The following UCHL3 variants were observed in gnomAD, a reference collection of about 807,000 sequenced individuals.
UCHL3 encodes the protein ubiquitin carboxyl-terminal hydrolase isozyme L3.
UCHL3 carries 22 observed loss-of-function variants against 35.8 expected under a neutral mutation model. The observed-to-expected ratio is 0.61, with a 90% CI of 0.44 to 0.88. The LOEUF is 0.88. UCHL3 is among the 40% of genes least tolerant of loss of function. The probability of loss-of-function intolerance (pLI) is 0.00; values close to 1 mark genes in which losing one functional copy is unlikely to be tolerated. For missense variants in UCHL3, 229 were observed against 276.9 expected, an observed-to-expected ratio of 0.83 and a Z score of 1.23; for synonymous variants, 90 against 92.8, an observed-to-expected ratio of 0.97 and a Z score of 0.17.
chr13:75,584,996 C>T (rs1001001341), intron 6 of UCHL3, among the ~76,000 whole-genome samples: 17 of 146,096 alleles, frequency 1.2e-4, no homozygotes, highest in Non-Finnish European at 2.4e-4. Context: ...GGGACAATTT[C>T]AAGTGATGTA....
chr13:75,581,068 A>G (rs1315118408), intron 6 of UCHL3, among the ~76,000 whole-genome samples: 2 of 151,920 alleles, frequency 1.3e-5, no homozygotes, highest in Non-Finnish European at 2.9e-5. Flanking sequence ...TTTTTTTCCT[A>G]TTAACCGGAA....
At chr13:75,592,983 C>A (rs187697958) in intron 6 of UCHL3, among the ~76,000 whole-genome samples, 2 of 152,056 alleles carry the variant, frequency 1.3e-5, no homozygotes. Context: ...GGATTGGGTC[C>A]ATATTCAGTT....
intron 6 of UCHL3, among the ~76,000 whole-genome samples, chr13:75,583,839 C>T (rs915832982): frequency 6.6e-6 from 1 of 152,092 alleles, no homozygotes; most frequent in African/African-American, 2.4e-5. Flanking sequence ...AAAATTTTAA[C>T]AAATTGCTTA....
intron 2 of UCHL3, among the ~76,000 whole-genome samples, chr13:75,554,712 T>C (rs1470650120): frequency 6.6e-6 from 1 of 152,242 alleles, no homozygotes; most frequent in Non-Finnish European, 1.5e-5. Flanking sequence ...CATACTCTAC[T>C]GGTCTTCCAA....
At chr13:75,598,851 T>C (rs1305071453) in intron 7 of UCHL3, among the ~76,000 whole-genome samples, 1 of 152,232 alleles carries the variant, frequency 6.6e-6, no homozygotes, top group Non-Finnish European at 1.5e-5. Context: ...ATTATCATTA[T>C]GACTATTGCC....
chr13:75,561,169 G>T (rs1304129151), intron 3 of UCHL3, among the ~76,000 whole-genome samples: 1 of 152,164 alleles, frequency 6.6e-6, no homozygotes. Context: ...TCGGGCTCAA[G>T]TGATCCTCCC....
At chr13:75,591,349 G>A (rs567616051) in intron 6 of UCHL3, among the ~76,000 whole-genome samples, 21 of 151,630 alleles carry the variant, frequency 1.4e-4, no homozygotes, top group African/African-American at 4.1e-4. Flanking sequence ...ATTTTTATTC[G>A]TTCATCCATT....
chr13:75,556,614 G>A (rs1163434264), intron 2 of UCHL3, among the ~76,000 whole-genome samples: 1 of 152,044 alleles, frequency 6.6e-6, no homozygotes, highest in African/African-American at 2.4e-5. Flanking sequence ...TAAAGAATGA[G>A]GAAGAATTTG....
rs775424803 is a variant in UCHL3, at chr13:75,569,445, T to C, written c.427-15T>C. ...TAGGCATTTTTTCCAATGAATACCT[T>C]TATTCTTATTACAGGCCATCCGAGT... On this transcript the variant is annotated splice_polypyrimidine_tract_variant and intron_variant, in intron 5 of 8. Transcript: ENST00000377595. 1.9e-6 allele frequency: 3 copies of C among 1,602,264 alleles called. No homozygotes were observed. The South Asian group carries it at 3.4e-5, about 18-fold the overall frequency.
intron 3 of UCHL3, among the ~76,000 whole-genome samples, chr13:75,564,041 A>G (rs1314618873): frequency 1.3e-5 from 2 of 152,096 alleles, no homozygotes; most frequent in African/African-American, 2.4e-5. Flanking sequence ...TCAGGGTACT[A>G]TGGTCATAGA....
At chr13:75,581,217 A>C (rs1006065938) in intron 6 of UCHL3, among the ~76,000 whole-genome samples, 3 of 149,162 alleles carry the variant, frequency 2.0e-5, no homozygotes, top group Admixed American at 1.3e-4. Flanking sequence ...TATTTTTCAT[A>C]ATAATAGTAT....
intron 6 of UCHL3, among the ~76,000 whole-genome samples, chr13:75,586,140 G>T (rs531557809): frequency 1.3e-5 from 2 of 151,912 alleles, no homozygotes; most frequent in Non-Finnish European, 2.9e-5. Flanking sequence ...TTTAAAAAAC[G>T]TAAGAAGATA....
In UCHL3 at chr13:75,562,680, T is replaced by C. The variant is rs924393806; in HGVS notation, c.183+1799T>C. On this transcript the variant is annotated intron_variant, in intron 3 of 8. Coordinates refer to ENST00000377595, the MANE Select transcript of UCHL3 (RefSeq NM_006002.5). ...AATAAATTAGATTTGATCTCTTTCA[T>C]TTAGTGAGTCATCAGCATTAAAAAG... Among the ~76,000 whole-genome samples the C allele has an allele frequency of 4.6e-5, 7 of 152,246 alleles. No homozygotes were observed. In the South Asian group the frequency reaches 1.2e-3, roughly 27 times the overall value.
chr13:75,590,475 C>A (rs972196920), intron 6 of UCHL3, among the ~76,000 whole-genome samples: 3 of 152,166 alleles, frequency 2.0e-5, no homozygotes, highest in African/African-American at 7.2e-5. Flanking sequence ...TTAGTTGACT[C>A]AGGTCAACAA....
At chr13:75,552,214 A>T (rs1167631089) in intron 2 of UCHL3, among the ~76,000 whole-genome samples, 1 of 152,204 alleles carries the variant, frequency 6.6e-6, no homozygotes, top group Non-Finnish European at 1.5e-5. Context: ...TATAACTAAA[A>T]ATTTTGTGGT....
intron 6 of UCHL3, among the ~76,000 whole-genome samples, chr13:75,582,473 T>C (rs1194538598): frequency 1.3e-5 from 2 of 152,228 alleles, no homozygotes; most frequent in Non-Finnish European, 2.9e-5. Context: ...TCACTGTTAA[T>C]GTCCTGGCAA....
Position 75,551,794 on chromosome 13 carries a change from A to G in UCHL3, c.54+1807A>G, listed in dbSNP as rs2031119847. Among the ~76,000 whole-genome samples the G allele has an allele frequency of 2.6e-5, 4 of 152,308 alleles. No homozygotes were observed. In the South Asian group the frequency reaches 8.3e-4, roughly 32 times the overall value. On this transcript the variant is annotated intron_variant, in intron 2 of 8. Transcript: ENST00000377595. ...TCAGCTGCTAGTGGACCTTGTTTCT[A>G]GGGTGTCTTGAAAAACTATCAAACA... is the stretch of plus-strand genomic sequence containing the variant.
In UCHL3 at chr13:75,569,540, A is replaced by G. The variant is rs901007239; in HGVS notation, c.474+33A>G. The G allele has an allele frequency of 1.9e-6, 3 of 1,582,484 alleles. No individual in the cohort carries two copies. In the Admixed American group the frequency reaches 5.2e-5, roughly 28 times the overall value. Reference sequence around the variant, plus strand: ...ACATTTTTTCTAAATTTTTCTTGCTATAAATTTAACCATATAAATTTCTTG... The same window carrying G: ...ACATTTTTTCTAAATTTTTCTTGCTGTAAATTTAACCATATAAATTTCTTG... On this transcript the variant is annotated intron_variant, in intron 6 of 8. Transcript: ENST00000377595.
intron 2 of UCHL3, among the ~76,000 whole-genome samples, chr13:75,559,454 A>G (rs2031419676): frequency 6.6e-6 from 1 of 152,184 alleles, no homozygotes; most frequent in Non-Finnish European, 1.5e-5. Context: ...TATTAAACAT[A>G]CCTAGAACCT....
Sources: allele counts gnomAD v4.1 joint callset (sites outside exome capture counted in the v4.1 genomes callset), GRCh38; gene constraint gnomAD v4.1.1; transcripts MANE v1.5; gene names NCBI Gene and HGNC (gene_info 2026-07-23, HGNC 2026-07-21).